LRRC73: variants seen among roughly 807,000 people sequenced by gnomAD.
The protein encoded by LRRC73 is leucine-rich repeat-containing protein 73.
A neutral mutation model predicts 26.4 loss-of-function variants in LRRC73; 16 were observed. That is an observed-to-expected ratio of 0.61 (90% CI 0.41 to 0.92). The LOEUF (loss-of-function observed/expected upper bound fraction) is 0.92, where lower values mean the gene tolerates loss of function less well. LRRC73 is among the 40% of genes least tolerant of loss of function. LRRC73 has a pLI of 0.00. For synonymous variants in LRRC73, 210 were observed against 179.8 expected, an observed-to-expected ratio of 1.17 and a Z score of -1.34; for missense variants, 344 against 416.3, an observed-to-expected ratio of 0.83 and a Z score of 1.51.
At chr6:43,508,041 C>A in intron 3 of LRRC73, 115 bp from the exon 4 acceptor site, 1 of 1,063,632 alleles carries the variant, frequency 9.4e-7, no homozygotes. Flanking sequence ...GAAACATGGA[C>A]AATTGGTGGT....
chr6:43,509,671 G>T, exon 1 of LRRC73: 1 of 1,593,620 alleles, frequency 6.3e-7, no homozygotes, highest in Non-Finnish European at 8.5e-7. Flanking sequence ...TCGCAGAGGC[G>T]GCAGCCGCGC....
exon 2 of LRRC73, chr6:43,508,880 G>T (rs1473523863): frequency 7.4e-6 from 12 of 1,611,810 alleles, no homozygotes; most frequent in Non-Finnish European, 1.0e-5. Context: ...GCTGGGTTCA[G>T]CAAGGCCAGC....
At chr6:43,508,616 C>T (rs1456792636) in intron 2 of LRRC73, 144 bp downstream of exon 2, 2 of 1,381,114 alleles carry the variant, frequency 1.4e-6, no homozygotes, top group African/African-American at 1.4e-5. Flanking sequence ...CTCCATGCTG[C>T]CCCCCGTCCT....
At chr6:43,508,532 C>A in intron 2 of LRRC73, 112 bp from the exon 3 acceptor site, 3 of 1,516,374 alleles carry the variant, frequency 2.0e-6, no homozygotes, top group African/African-American at 2.7e-5. Flanking sequence ...CACCACCTTA[C>A]CCCCACCATA....
exon 2 of LRRC73, chr6:43,508,805 T>C (rs1377759669): frequency 1.9e-6 from 3 of 1,612,942 alleles, no homozygotes; most frequent in East Asian, 2.2e-5. Context: ...ATGAGGTTGA[T>C]GGCTTCATCA....
exon 1 of LRRC73, chr6:43,509,520 G>C (rs772541508): frequency 6.2e-7 from 1 of 1,607,872 alleles, no homozygotes; most frequent in South Asian, 1.1e-5. Flanking sequence ...TCACAAGAGG[G>C]ACTGGATGGA....
intron 4 of LRRC73, 50 bp downstream of exon 4, chr6:43,507,772 TAAAC>T (rs1191130918): frequency 2.0e-5 from 32 of 1,595,542 alleles, no homozygotes; most frequent in Middle Eastern, 1.7e-4. Flanking sequence ...ATCAGACACA[TAAAC>T]TAACCTCCAC....
rs534743881 is a variant in LRRC73 at position 43,507,882 on chromosome 6, G to A, written c.601C>T (p.Arg201Cys). 159 of 1,613,844 alleles carry A rather than the reference G, an allele frequency of 9.9e-5. No individual in the cohort carries two copies. Among genetic ancestry groups the A allele is most frequent in the African/African-American group, 1.6e-4 (12 of 75,008 alleles). ...TCCAAGTCTAGGACCTCTAGGGTACGACTAGAGGCCACAGCTACAGCCAGC... is the reference window on the plus strand; with the variant it reads ...TCCAAGTCTAGGACCTCTAGGGTACAACTAGAGGCCACAGCTACAGCCAGC... The change falls in exon 4 of 6, where the codon CGT (arginine) becomes TGT (cysteine). Residue 201 changes from arginine (R) to cysteine (C), a missense_variant. Physicochemically the swap from Arg to Cys is radical, Grantham distance 180. Transcript: ENST00000372441.
intron 3 of LRRC73, 24 bp downstream of exon 3, chr6:43,508,274 C>T (rs753133869): frequency 5.6e-6 from 9 of 1,598,100 alleles, no homozygotes; most frequent in Non-Finnish European, 7.7e-6. Flanking sequence ...AGTGACAGCC[C>T]AAGGGGGTAT....
chr6:43,507,699 G>C, intron 4 of LRRC73, 21 bp from the exon 5 acceptor site: 1 of 1,611,612 alleles, frequency 6.2e-7, no homozygotes, highest in Non-Finnish European at 8.5e-7. Flanking sequence ...GAAGAATATG[G>C]AAAAGGATGA....
chr6:43,509,844 GCGGGGCCGGGGATAGGGCCGGGGT>G lies in LRRC73; in HGVS notation c.-83_-60del. ...GGAACGGAGGTTGGTGGGGCCGCGG[GCGGGGCCGGGGATAGGGCCGGGGT>G]CGGGGCCCCGGCAGGGGTCGCGGGC... On this transcript the variant is annotated 5_prime_UTR_variant, in exon 1 of 6. Transcript: ENST00000372441. 2.9e-6 allele frequency: 4 copies of G among 1,395,770 alleles called. No individual in the cohort carries two copies. In the South Asian group the frequency reaches 6.3e-5, roughly 22 times the overall value. The allele number at this position is 1,395,770 out of a possible 1,614,324, so 86.5% of individuals were successfully genotyped here.
In LRRC73 at chr6:43,507,768, C is replaced by T. The variant is rs997672131; in HGVS notation, c.657+58G>A. 8.8e-6 allele frequency: 14 copies of T among 1,591,754 alleles called. No individual in the cohort carries two copies. The African/African-American group carries it at 1.9e-4, about 21-fold the overall frequency. On this transcript the variant is annotated intron_variant, in intron 4 of 5. Transcript: ENST00000372441. ...GCCATGCCTTAGGTATGTCATCAGA[C>T]ACATAAACTAACCTCCACCCCATCC...
At chr6:43,507,126 T>C (rs1792513574) in exon 6 of LRRC73, 13 of 1,109,116 alleles carry the variant, frequency 1.2e-5, no homozygotes, top group Non-Finnish European at 1.6e-5. Flanking sequence ...AGAGCCCCCA[T>C]GCAGCCCCTG....
At position 43,507,437 on chromosome 6, in the gene LRRC73, C is replaced by T; in HGVS notation, c.880+19G>A. The stretch of plus-strand genomic sequence containing the variant: ...AGCCTCTTCCAGACCTGGCTCTGAT[C>T]AACCCTCTGGGTTCTTACCGCTGGG... On this transcript the variant is annotated intron_variant, in intron 5 of 5. Coordinates refer to ENST00000372441, the Ensembl canonical transcript of LRRC73. 3 of 1,612,600 alleles carry T rather than the reference C, an allele frequency of 1.9e-6. No homozygotes were observed. Among genetic ancestry groups the T allele is most frequent in the Non-Finnish European group, 2.5e-6 (3 of 1,179,690 alleles).
chr6:43,508,465 C>T (rs367668590), intron 2 of LRRC73, 45 bp from the exon 3 acceptor site: 14 of 1,610,902 alleles, frequency 8.7e-6, no homozygotes, highest in Non-Finnish European at 1.2e-5. Flanking sequence ...AGGGTTAAGC[C>T]CTCCTCCAGC....
At chr6:43,509,796 G>A in exon 1 of LRRC73, 1 of 1,511,518 alleles carries the variant, frequency 6.6e-7, no homozygotes, top group Non-Finnish European at 8.8e-7. Flanking sequence ...CGTGCCCACG[G>A]CTGGGCCTCC....
At position 43,507,455 on chromosome 6, in the gene LRRC73, C is replaced by T. The variant is rs1011845351; in HGVS notation, c.880+1G>A. 17 of 1,612,866 alleles carry T rather than the reference C, an allele frequency of 1.1e-5. No individual in the cohort carries two copies. Among genetic ancestry groups the T allele is most frequent in the Non-Finnish European group, 1.4e-5 (17 of 1,179,936 alleles). ...CTCTGATCAACCCTCTGGGTTCTTA[C>T]CGCTGGGGCACATCCAGGAGCTGCT... On this transcript the variant is annotated splice_donor_variant, in intron 5 of 5. Coordinates refer to ENST00000372441, the Ensembl canonical transcript of LRRC73. LOFTEE classifies it high-confidence loss of function.
chr6:43,509,122 C>T (rs898167535), intron 1 of LRRC73, among the ~76,000 whole-genome samples: 1 of 138,050 alleles, frequency 7.2e-6, no homozygotes, highest in African/African-American at 2.8e-5. Flanking sequence ...GGCAGGGATC[C>T]AGGACATTGC....
exon 2 of LRRC73, chr6:43,508,770 C>A: frequency 6.2e-7 from 1 of 1,609,532 alleles, no homozygotes; most frequent in Non-Finnish European, 8.5e-7. Flanking sequence ...CAGATTTGGC[C>A]CCATCTGGGG....
Sources: gnomAD v4.1 joint callset for allele counts (sites outside exome capture counted in the v4.1 genomes callset) on GRCh38, gnomAD v4.1.1 for gene constraint, MANE v1.5 for transcripts, NCBI Gene and HGNC (gene_info 2026-07-23, HGNC 2026-07-21) for gene names.